The following GLIS3 variants were observed in gnomAD, a reference collection of about 807,000 sequenced individuals.
The protein encoded by GLIS3 is GLIS family zinc finger 3, also known as zinc finger protein GLIS3.
In GLIS3, 53 loss-of-function variants were observed where a neutral mutation model predicts 78.6. That is an observed-to-expected ratio of 0.67 (90% CI 0.54 to 0.85). GLIS3 has a LOEUF of 0.85. Ranked by LOEUF, GLIS3 falls within the 40% of genes least tolerant of loss-of-function variation. GLIS3 has a pLI of 0.00. For missense variants in GLIS3, 1,703 were observed against 1,231.1 expected, an observed-to-expected ratio of 1.38 and a Z score of -5.74; for synonymous variants, 684 against 509.9, an observed-to-expected ratio of 1.34 and a Z score of -4.60.
intron 4 of GLIS3, among the ~76,000 whole-genome samples, chr9:4,097,704 A>G (rs1432561345): frequency 6.6e-6 from 1 of 152,220 alleles, no homozygotes; most frequent in South Asian, 2.1e-4. Context: ...TGTGAAGCAC[A>G]CTGAATTGCT....
In GLIS3 at chr9:4,048,248, G is replaced by A. The variant is rs944604630; in HGVS notation, c.1710+69520C>T. 1.1e-4 allele frequency among the ~76,000 whole-genome samples: 16 copies of A among 152,300 alleles called. 2 individuals carry two copies. The highest frequency in any genetic ancestry group is 9.2e-4 in the Admixed American group (14 of 15,292). ...CAACATTTAAATGAAACCAAGGAAA[G>A]TAAATGGTATTTTTAAATTCAGAAT... On this transcript the variant is annotated intron_variant, in intron 4 of 10. Coordinates refer to ENST00000381971, the MANE Select transcript of GLIS3 (RefSeq NM_001042413.2).
At chr9:4,432,961 T>G in the GLIS3 span, among the ~76,000 whole-genome samples, 1 of 152,114 alleles carries the variant, frequency 6.6e-6, no homozygotes, top group African/African-American at 2.4e-5. Flanking sequence ...CAGACTATGT[T>G]TTCTAACACA....
chr9:3,898,418 T>C (rs1823026362), intron 7 of GLIS3: 2 of 475,146 alleles, frequency 4.2e-6, no homozygotes, highest in South Asian at 4.1e-5. Flanking sequence ...AAATGTAACA[T>C]AACTGCGAGG....
chr9:4,176,983 G>A (rs547519442), intron 2 of GLIS3, among the ~76,000 whole-genome samples: 1 of 152,272 alleles, frequency 6.6e-6, no homozygotes, highest in East Asian at 1.9e-4. Context: ...CAGTTATTGG[G>A]TTATGTGTCA....
chr9:4,195,628 G>C (rs917072666), intron 2 of GLIS3, among the ~76,000 whole-genome samples: 2 of 152,264 alleles, frequency 1.3e-5, no homozygotes, highest in Non-Finnish European at 2.9e-5. Context: ...CACGCCCCCT[G>C]TTCCACAGCG....
chr9:4,443,915 C>T, the GLIS3 span, among the ~76,000 whole-genome samples: 1 of 152,158 alleles, frequency 6.6e-6, no homozygotes, highest in South Asian at 2.1e-4. Flanking sequence ...ACTACAATTC[C>T]ACTGTGTGTG....
the GLIS3 span, among the ~76,000 whole-genome samples, chr9:4,484,877 T>C: frequency 6.6e-6 from 1 of 152,224 alleles, no homozygotes; most frequent in African/African-American, 2.4e-5. Flanking sequence ...GCCTGAATTC[T>C]GCTAAGTTGT....
the GLIS3 span, among the ~76,000 whole-genome samples, chr9:4,397,016 C>CTT: frequency 1.3e-4 from 18 of 133,382 alleles, no homozygotes; most frequent in African/African-American, 5.1e-4. Context: ...ATCCTTTTTT[C>CTT]TTTTTTTCTT....
chr9:4,041,355 C>G (rs1824796600), intron 4 of GLIS3, among the ~76,000 whole-genome samples: 1 of 152,246 alleles, frequency 6.6e-6, no homozygotes, highest in South Asian at 2.1e-4. Context: ...CTGAAACGAA[C>G]TATCTTGCCC....
chr9:4,062,892 A>G (rs532170142), intron 4 of GLIS3, among the ~76,000 whole-genome samples: 36 of 152,000 alleles, frequency 2.4e-4, no homozygotes, highest in African/African-American at 8.0e-4. Context: ...TCATGCCACT[A>G]CACTTCAGCC....
chr9:4,248,578 G>C (rs190250399), intron 2 of GLIS3, among the ~76,000 whole-genome samples: 40 of 152,312 alleles, frequency 2.6e-4, no homozygotes, highest in Non-Finnish European at 5.4e-4. Context: ...GTAGTAGAAT[G>C]ATTTATAATC....
At chr9:4,276,369 CACG>C in intron 2 of GLIS3, among the ~76,000 whole-genome samples, 1 of 28,786 alleles carries the variant, frequency 3.5e-5, no homozygotes, top group Non-Finnish European at 7.4e-5. Context: ...AAGGAGAGGG[CACG>C]GGAGGGGAGG....
intron 2 of GLIS3, among the ~76,000 whole-genome samples, chr9:4,165,299 G>C (rs535167281): frequency 6.6e-6 from 1 of 152,210 alleles, no homozygotes; most frequent in Non-Finnish European, 1.5e-5. Flanking sequence ...AAATTAGCCG[G>C]GCGTGGTGGC....
At chr9:4,429,795 G>A in the GLIS3 span, among the ~76,000 whole-genome samples, 1 of 152,178 alleles carries the variant, frequency 6.6e-6, no homozygotes, top group Middle Eastern at 3.2e-3. Context: ...GTATGCAGGT[G>A]ACCAAGGTGG....
At chr9:3,895,039 G>T (rs1391370833) in intron 7 of GLIS3, among the ~76,000 whole-genome samples, 1 of 152,134 alleles carries the variant, frequency 6.6e-6, no homozygotes, top group Non-Finnish European at 1.5e-5. Context: ...GTCATTCATG[G>T]GACAGATCAT....
intron 4 of GLIS3, among the ~76,000 whole-genome samples, chr9:3,939,370 C>T (rs1826079039): frequency 6.6e-6 from 1 of 152,214 alleles, no homozygotes; most frequent in African/African-American, 2.4e-5. Flanking sequence ...CTTGATAAGA[C>T]ATAAACTATA....
chr9:4,477,487 T>C, the GLIS3 span, among the ~76,000 whole-genome samples: 1 of 152,048 alleles, frequency 6.6e-6, no homozygotes, highest in Non-Finnish European at 1.5e-5. Flanking sequence ...TGATCACGGC[T>C]CACTGCAGCC....
At chr9:4,482,719 T>C in the GLIS3 span, among the ~76,000 whole-genome samples, 3 of 152,216 alleles carry the variant, frequency 2.0e-5, no homozygotes, top group Non-Finnish European at 4.4e-5. Context: ...ATGTAACTTT[T>C]TGTGGCAAAG....
intron 6 of GLIS3, among the ~76,000 whole-genome samples, chr9:3,910,391 C>T (rs1244179561): frequency 2.0e-5 from 3 of 152,036 alleles, no homozygotes; most frequent in Non-Finnish European, 4.4e-5. Context: ...GTTCTGTCAC[C>T]CAGGATGGAG....
Sources: gnomAD v4.1 joint callset for allele counts (sites outside exome capture counted in the v4.1 genomes callset) on GRCh38, gnomAD v4.1.1 for gene constraint, MANE v1.5 for transcripts, NCBI Gene and HGNC (gene_info 2026-07-23, HGNC 2026-07-21) for gene names.